Variants in WDR7 observed in about 807,000 individuals in gnomAD.
WDR7 encodes WD repeat domain 7.
WDR7 carries 46 observed loss-of-function variants against 169.4 expected under a neutral mutation model. The ratio of observed to expected loss-of-function variants is 0.27; its 90% CI spans 0.21 to 0.35. The LOEUF (loss-of-function observed/expected upper bound fraction) is 0.35. Among genes scored for constraint, WDR7 ranks in the 10% least tolerant of loss-of-function variants. The probability of loss-of-function intolerance (pLI) is 1.00; values close to 1 mark genes in which losing one functional copy is unlikely to be tolerated. For missense variants in WDR7, 1,534 were observed against 1,859.3 expected (o/e 0.83, Z 3.22); for synonymous variants, 612 against 666.8 (o/e 0.92, Z 1.27).
intron 25 of WDR7, among the ~76,000 whole-genome samples, chr18:56,950,623 A>G (rs977862910): frequency 6.6e-6 from 1 of 152,208 alleles, no homozygotes; most frequent in African/African-American, 2.4e-5. Flanking sequence ...CCCATATCCC[A>G]AAGTGATAAC....
At chr18:56,876,603 T>C (rs973047452) in intron 20 of WDR7, among the ~76,000 whole-genome samples, 1 of 152,136 alleles carries the variant, frequency 6.6e-6, no homozygotes, top group African/African-American at 2.4e-5. Flanking sequence ...GGCTATAGCT[T>C]CCTCAGTTCC....
chr18:56,669,637 C>A (rs2025091887), intron 1 of WDR7, among the ~76,000 whole-genome samples: 1 of 151,946 alleles, frequency 6.6e-6, no homozygotes, highest in South Asian at 2.1e-4. Flanking sequence ...GTACTAGTTG[C>A]AAAATCTGAA....
intron 20 of WDR7, among the ~76,000 whole-genome samples, chr18:56,846,019 C>G (rs1306064119): frequency 6.6e-6 from 1 of 152,156 alleles, no homozygotes; most frequent in Non-Finnish European, 1.5e-5. Flanking sequence ...TCTCTTCCCA[C>G]GTTCTTTATT....
chr18:56,958,137 A>G (rs73958718), intron 25 of WDR7, among the ~76,000 whole-genome samples: 3,964 of 152,288 alleles, frequency 0.026, 153 homozygotes, highest in African/African-American at 0.083. Context: ...CAAACTCCCA[A>G]GCAACATGGT....
At chr18:56,970,039 A>G (rs923476925) in intron 26 of WDR7, among the ~76,000 whole-genome samples, 3 of 152,180 alleles carry the variant, frequency 2.0e-5, no homozygotes, top group Non-Finnish European at 4.4e-5. Context: ...AATGGACATA[A>G]TAACACTTCT....
At chr18:56,680,728 A>AGG (rs1343790190) in intron 3 of WDR7, among the ~76,000 whole-genome samples, 2 of 152,230 alleles carry the variant, frequency 1.3e-5, no homozygotes, top group Non-Finnish European at 2.9e-5. Context: ...ATTACAATAC[A>AGG]TACAGAATGA....
chr18:56,694,891 T>C (rs1193507418), intron 10 of WDR7, 59 bp from the exon 11 acceptor site: 3 of 1,557,054 alleles, frequency 1.9e-6, no homozygotes, highest in South Asian at 1.2e-5. Context: ...TTTTAATGTT[T>C]TAAATTTTTT....
intron 21 of WDR7, among the ~76,000 whole-genome samples, chr18:56,918,239 C>T (rs74964458): frequency 0.014 from 2,130 of 152,268 alleles, 31 homozygotes; most frequent in East Asian, 0.037. Flanking sequence ...ATAACTTAAT[C>T]TTGAAGATGG....
chr18:56,661,088 A>G (rs1393636328), intron 1 of WDR7, among the ~76,000 whole-genome samples: 1 of 152,194 alleles, frequency 6.6e-6, no homozygotes, highest in African/African-American at 2.4e-5. Flanking sequence ...TTGGGGAAGC[A>G]TGTTTGTTTC....
At chr18:56,652,314 AG>A in intron 1 of WDR7, among the ~76,000 whole-genome samples, 1 of 152,362 alleles carries the variant, frequency 6.6e-6, no homozygotes, top group South Asian at 2.1e-4. Context: ...GGGTTCGGTC[AG>A]TGGCAGCTAT....
At chr18:56,961,061 A>C (rs140786390) in intron 25 of WDR7, among the ~76,000 whole-genome samples, 180 of 152,148 alleles carry the variant, frequency 1.2e-3, no homozygotes, top group Admixed American at 1.9e-3. Flanking sequence ...TTGGGACAAA[A>C]ATATTGTTCA....
At position 56,672,599 on chromosome 18, in the gene WDR7, A is replaced by G. The variant is rs1470319241; in HGVS notation, c.84A>G (p.Thr28=). 9 of 1,613,486 alleles carry G rather than the reference A, an allele frequency of 5.6e-6. No individual in the cohort carries two copies. The African/African-American group carries it at 1.2e-4, about 22-fold the overall frequency. The change falls in exon 2 of 28, where the codon ACA becomes ACG. Residue 28 remains threonine (T), a synonymous_variant. Coordinates refer to ENST00000254442, the MANE Select transcript of WDR7 (RefSeq NM_015285.3). Reference sequence around the variant, plus strand: ...ATTGCATCTCAGCCGTACTTTTAACAGATGATGGGGCCACGATCGTAACAG... The same window carrying G: ...ATTGCATCTCAGCCGTACTTTTAACGGATGATGGGGCCACGATCGTAACAG... ...PTHCISAVLL[T]DDGATIVTGC...
At chr18:56,801,841 C>T (rs985461487) in intron 19 of WDR7, among the ~76,000 whole-genome samples, 24 of 152,178 alleles carry the variant, frequency 1.6e-4, no homozygotes, top group African/African-American at 5.6e-4. Context: ...GTATATTTAT[C>T]CATTCACCTG....
At chr18:56,992,855 C>T (rs1414398610) in intron 26 of WDR7, among the ~76,000 whole-genome samples, 1 of 152,158 alleles carries the variant, frequency 6.6e-6, no homozygotes, top group African/African-American at 2.4e-5. Flanking sequence ...GTAAGTTTCT[C>T]ATGAAGAGAC....
chr18:57,011,198 A>G (rs1011663597), intron 26 of WDR7, among the ~76,000 whole-genome samples: 1 of 152,140 alleles, frequency 6.6e-6, no homozygotes, highest in Admixed American at 6.5e-5. Context: ...ATGTTAATAT[A>G]TAACCCCCCC....
intron 16 of WDR7, among the ~76,000 whole-genome samples, chr18:56,771,261 T>TA (rs1435464204): frequency 2.6e-5 from 4 of 152,222 alleles, no homozygotes; most frequent in African/African-American, 9.6e-5. Context: ...TCATAGTACT[T>TA]ATATGATGTT....
At chr18:56,866,176 T>C (rs2045880542) in intron 20 of WDR7, among the ~76,000 whole-genome samples, 1 of 152,156 alleles carries the variant, frequency 6.6e-6, no homozygotes, top group African/African-American at 2.4e-5. Flanking sequence ...TTAACTTTCC[T>C]TATCTATAAA....
chr18:56,700,291 G>A (rs1388428674), intron 12 of WDR7, among the ~76,000 whole-genome samples: 1 of 104,780 alleles, frequency 9.5e-6, no homozygotes, highest in Non-Finnish European at 1.8e-5. Flanking sequence ...GGAGTCTTAC[G>A]CTGTTGCCAG....
intron 21 of WDR7, among the ~76,000 whole-genome samples, chr18:56,913,579 GAGTTTGAGA>G (rs2046581898): frequency 2.0e-5 from 3 of 149,240 alleles, no homozygotes; most frequent in African/African-American, 7.5e-5. Context: ...TCAAGCCCAG[GAGTTTGAGA>G]CCAGCCTGGG....
Sources: allele counts gnomAD v4.1 joint callset (sites outside exome capture counted in the v4.1 genomes callset), GRCh38; gene constraint gnomAD v4.1.1; transcripts MANE v1.5; gene names NCBI Gene and HGNC (gene_info 2026-07-23, HGNC 2026-07-21).